The following PCDH15 variants were observed in gnomAD, a reference collection of about 807,000 sequenced individuals.
PCDH15 encodes the protein protocadherin-15.
PCDH15 carries 129 observed loss-of-function variants against 178.5 expected under a neutral mutation model. The ratio of observed to expected loss-of-function variants is 0.72; its 90% CI spans 0.63 to 0.84. The LOEUF is 0.84. Ranked by LOEUF, PCDH15 falls within the 40% of genes least tolerant of loss-of-function variation. PCDH15 has a pLI of 0.00. For missense variants in PCDH15, 2,230 were observed against 2,099.9 expected (o/e 1.06, Z -1.21); for synonymous variants, 800 against 732.0 (o/e 1.09, Z -1.50).
chr10:55,536,588 T>G (rs1161507665), intron 2 of PCDH15, among the ~76,000 whole-genome samples: 1 of 152,122 alleles, frequency 6.6e-6, no homozygotes, highest in Non-Finnish European at 1.5e-5. Context: ...CATACAAGCA[T>G]TTGGAAAAAA....
intron 1 of PCDH15, among the ~76,000 whole-genome samples, chr10:55,252,919 T>C (rs1380191813): frequency 2.6e-5 from 4 of 152,120 alleles, no homozygotes; most frequent in African/African-American, 9.7e-5. Flanking sequence ...AAATATGTAA[T>C]TTCAACATTC....
intron 1 of PCDH15, among the ~76,000 whole-genome samples, chr10:54,715,241 A>C (rs1425027493): frequency 1.3e-5 from 2 of 152,180 alleles, no homozygotes; most frequent in African/African-American, 4.8e-5. Flanking sequence ...TTTTCTATCC[A>C]TTAAGAAATT....
At chr10:55,416,950 A>G (rs1038088412) in intron 2 of PCDH15, among the ~76,000 whole-genome samples, 4 of 151,800 alleles carry the variant, frequency 2.6e-5, no homozygotes, top group African/African-American at 9.7e-5. Context: ...AGCATTGTGA[A>G]ATTTTCTAAC....
Position 54,445,408 on chromosome 10 carries a change from A to C in PCDH15, c.158-66466T>G, listed in dbSNP as rs192054936. On this transcript the variant is annotated intron_variant, in intron 3 of 37. Coordinates refer to ENST00000644397, the MANE Select transcript of PCDH15 (RefSeq NM_001384140.1). ...CCAGTTTGCTCCTGAATGTGCAATA[A>C]GTTTCCACTTATGAGCTTGCTACTG... 1.2e-4 allele frequency among the ~76,000 whole-genome samples: 18 copies of C among 151,720 alleles called. No homozygotes were observed. In the Admixed American group the frequency reaches 1.2e-3, roughly 10 times the overall value.
intron 3 of PCDH15, among the ~76,000 whole-genome samples, chr10:54,497,536 C>T (rs2080245483): frequency 6.6e-6 from 1 of 151,962 alleles, no homozygotes; most frequent in South Asian, 2.1e-4. Context: ...AAACCAAATC[C>T]AAAGAAAGCA....
intron 2 of PCDH15, among the ~76,000 whole-genome samples, chr10:55,554,609 C>A (rs1342295787): frequency 2.0e-5 from 3 of 151,852 alleles, no homozygotes; most frequent in African/African-American, 7.3e-5. Flanking sequence ...GCAAAACCCA[C>A]ACATATGGGG....
At chr10:55,364,695 T>C (rs1845310719) in intron 2 of PCDH15, among the ~76,000 whole-genome samples, 1 of 152,108 alleles carries the variant, frequency 6.6e-6, no homozygotes. Flanking sequence ...TCTGAGATAG[T>C]CATGGAATGA....
At chr10:54,847,658 AT>A (rs1953538733) in intron 3 of PCDH15, among the ~76,000 whole-genome samples, 1 of 152,166 alleles carries the variant, frequency 6.6e-6, no homozygotes, top group South Asian at 2.1e-4. Context: ...GCATACTGAA[AT>A]TGTATTAATT....
chr10:55,617,893 T>C (rs540425347), intron 2 of PCDH15, among the ~76,000 whole-genome samples: 1 of 152,126 alleles, frequency 6.6e-6, no homozygotes, highest in East Asian at 1.9e-4. Context: ...TACTCTAACT[T>C]TTAATTGATG....
chr10:55,152,619 C>T (rs1267184562), intron 2 of PCDH15, among the ~76,000 whole-genome samples: 3 of 152,060 alleles, frequency 2.0e-5, no homozygotes, highest in Admixed American at 2.0e-4. Flanking sequence ...GATCTGAAAG[C>T]TAGAAGGATC....
At chr10:54,043,585 T>G (rs1197231502) in intron 18 of PCDH15, among the ~76,000 whole-genome samples, 1 of 151,912 alleles carries the variant, frequency 6.6e-6, no homozygotes, top group Non-Finnish European at 1.5e-5. Context: ...GACAGAGATT[T>G]GCCATGTTGC....
rs182833872 is a variant in PCDH15, at chr10:55,347,482, C to T, written c.-155-180831G>A. ...GGCTTAAGCAACCATAAATTATACACACACAAATAAATACATACTATTTTT... is the reference window on the plus strand; with the variant it reads ...GGCTTAAGCAACCATAAATTATACATACACAAATAAATACATACTATTTTT... On this transcript the variant is annotated intron_variant, in intron 2 of 5. Transcript: ENST00000613346. Among the ~76,000 whole-genome samples the T allele has an allele frequency of 2.4e-3, 360 of 152,216 alleles. 4 individuals carry two copies. The highest frequency in any genetic ancestry group is 8.0e-3 in the African/African-American group (332 of 41,538).
chr10:54,571,333 G>GAAAAAAAAAA, intron 2 of PCDH15, among the ~76,000 whole-genome samples: 1 of 128,574 alleles, frequency 7.8e-6, no homozygotes, highest in Non-Finnish European at 1.6e-5. Flanking sequence ...GACAAAATTT[G>GAAAAAAAAAA]AAAAAAAAAA....
intron 2 of PCDH15, chr10:54,600,498 C>A: frequency 6.9e-6 from 4 of 575,934 alleles, no homozygotes; most frequent in Admixed American, 3.8e-5. Context: ...TGGTGGTGAC[C>A]AAAATAGTAG....
chr10:55,317,740 A>C (rs1032892481), intron 1 of PCDH15, among the ~76,000 whole-genome samples: 1 of 152,114 alleles, frequency 6.6e-6, no homozygotes, highest in Non-Finnish European at 1.5e-5. Context: ...ACAGAATAGA[A>C]AATCCTCAGG....
chr10:54,650,679 C>A (rs986660691), intron 2 of PCDH15, among the ~76,000 whole-genome samples: 1 of 152,056 alleles, frequency 6.6e-6, no homozygotes, highest in Admixed American at 6.6e-5. Flanking sequence ...GGAGGCCTCA[C>A]AATCGTGGTG....
chr10:55,083,721 T>G (rs1192338957), intron 2 of PCDH15, among the ~76,000 whole-genome samples: 1 of 151,910 alleles, frequency 6.6e-6, no homozygotes, highest in Admixed American at 6.6e-5. Flanking sequence ...TCAGTTAAGT[T>G]GTAGGGTACA....
intron 9 of PCDH15, among the ~76,000 whole-genome samples, chr10:54,234,130 T>TTGTGTGTGTGTGTGTGTGTGTGTG: frequency 9.7e-6 from 1 of 103,096 alleles, no homozygotes; most frequent in African/African-American, 4.0e-5. Context: ...GGATATCCCC[T>TTGTGTGTGTGTGTGTGTGTGTGTG]TCTGTGTGTG....
At chr10:53,952,150 C>T (rs1589591894) in intron 23 of PCDH15, among the ~76,000 whole-genome samples, 1 of 152,334 alleles carries the variant, frequency 6.6e-6, no homozygotes, top group Middle Eastern at 3.4e-3. Flanking sequence ...TTCTCTCCTT[C>T]TCATTGCCCA....
Sources: allele counts gnomAD v4.1 joint callset (sites outside exome capture counted in the v4.1 genomes callset), GRCh38; gene constraint gnomAD v4.1.1; transcripts MANE v1.5; gene names NCBI Gene and HGNC (gene_info 2026-07-23, HGNC 2026-07-21).